IK: variants seen among roughly 807,000 people sequenced by gnomAD.
The protein encoded by IK is protein Red.
IK carries 47 observed loss-of-function variants against 90.9 expected under a neutral mutation model. That is an observed-to-expected ratio of 0.52 (90% CI 0.41 to 0.66). IK has a LOEUF of 0.66. Ranked by LOEUF, IK falls within the 30% of genes least tolerant of loss-of-function variation. IK has a pLI of 0.00. For synonymous variants in IK, 201 were observed against 227.5 expected (o/e 0.88, Z 1.05); for missense variants, 385 against 709.3 (o/e 0.54, Z 5.19).
Position 140,653,751 on chromosome 5 carries a change from C to T in IK, c.405-187C>T, listed in dbSNP as rs112284864. On this transcript the variant is annotated intron_variant, in intron 5 of 19. Coordinates refer to ENST00000417647, the MANE Select transcript of IK (RefSeq NM_006083.4). Reference sequence around the variant, plus strand: ...TCCCGAGTAGCTGGGACTACAGGCGCCCACCACCATGCCCAGCTAATTTTT... The same window carrying T: ...TCCCGAGTAGCTGGGACTACAGGCGTCCACCACCATGCCCAGCTAATTTTT... Among the ~76,000 whole-genome samples the T allele has an allele frequency of 7.3e-3, 1,112 of 152,084 alleles. 12 individuals carry two copies. Among genetic ancestry groups the T allele is most frequent in the African/African-American group, 0.024 (1,005 of 41,494 alleles).
chr5:140,649,181 T>C (rs1455555775), intron 2 of IK, among the ~76,000 whole-genome samples: 2 of 149,804 alleles, frequency 1.3e-5, no homozygotes, highest in Non-Finnish European at 3.0e-5. Flanking sequence ...CCAGTCCATT[T>C]CTTTTTTTTT....
At chr5:140,651,607 T>C in intron 2 of IK, 107 bp from the exon 3 acceptor site, 1 of 657,970 alleles carries the variant, frequency 1.5e-6, no homozygotes, top group Non-Finnish European at 2.7e-6. Flanking sequence ...TATCTTTGTT[T>C]TAATTTGTAT....
intron 2 of IK, among the ~76,000 whole-genome samples, chr5:140,650,401 A>G (rs867469278): frequency 1.3e-5 from 2 of 152,162 alleles, no homozygotes; most frequent in African/African-American, 4.8e-5. Context: ...CCTAGTCAGA[A>G]GAGAGCTTTA....
At chr5:140,657,787 G>A in intron 10 of IK, 125 bp downstream of exon 10, 1 of 634,684 alleles carries the variant, frequency 1.6e-6, no homozygotes, top group South Asian at 2.0e-5. Flanking sequence ...AAAAATGGGA[G>A]TACTGGAGCA....
intron 6 of IK, among the ~76,000 whole-genome samples, 152 bp downstream of exon 6, chr5:140,654,204 C>T (rs963442692): frequency 6.6e-6 from 1 of 152,200 alleles, no homozygotes; most frequent in South Asian, 2.1e-4. Context: ...GCTACTCATC[C>T]TTCAAGTATC....
Position 140,662,389 on chromosome 5 carries a change from A to C in IK, c.*60A>C. 2 of 1,561,338 alleles carry C rather than the reference A, an allele frequency of 1.3e-6. No individual in the cohort carries two copies. Among genetic ancestry groups the C allele is most frequent in the South Asian group, 2.2e-5 (2 of 89,600 alleles). ...ATGCTCCCCACTGTTTTCTTTCTACAATTTCCAAAGGTTGCAAGATGTTTT... is the reference window on the plus strand; with the variant it reads ...ATGCTCCCCACTGTTTTCTTTCTACCATTTCCAAAGGTTGCAAGATGTTTT... On this transcript the variant is annotated 3_prime_UTR_variant, in exon 20 of 20. Coordinates refer to ENST00000417647, the MANE Select transcript of IK (RefSeq NM_006083.4).
rs1282618235 is a variant in IK at position 140,661,003 on chromosome 5, A to G, written c.1413+188A>G. The stretch of plus-strand genomic sequence containing the variant: ...ATTTCAGAGTCTTTGCACAAGATCA[A>G]ATGACATAGGGTCAAAAATCTATTT... On this transcript the variant is annotated intron_variant, in intron 16 of 19. Coordinates refer to ENST00000417647, the MANE Select transcript of IK (RefSeq NM_006083.4). The surrounding 1 kb of genome is among the most constrained non-coding windows in gnomAD (Gnocchi z 4.2). 7.9e-6 allele frequency: 4 copies of G among 508,592 alleles called. No homozygotes were observed. In the East Asian group the frequency reaches 9.3e-5, roughly 12 times the overall value. 31.5% of individuals were successfully genotyped at this position (508,592 alleles called of 1,614,324 possible). A position where few individuals can be genotyped will look rare whatever the true frequency, so the allele number is the denominator to read the frequency against.
intron 16 of IK, 23 bp downstream of exon 16, chr5:140,660,838 G>A (rs1271081704): frequency 1.3e-6 from 2 of 1,583,180 alleles, no homozygotes; most frequent in Non-Finnish European, 1.7e-6. Context: ...AAGGATGGTG[G>A]GCGCCTTTGG....
intron 15 of IK, 176 bp downstream of exon 15, chr5:140,660,371 C>T (rs938709460): frequency 5.8e-5 from 31 of 536,430 alleles, no homozygotes; most frequent in South Asian, 4.8e-4. Context: ...AATCTCTGCT[C>T]GCTGCAATCT....
chr5:140,654,792 G>T, intron 8 of IK, 65 bp downstream of exon 8: 1 of 1,072,356 alleles, frequency 9.3e-7, no homozygotes, highest in South Asian at 1.4e-5. Flanking sequence ...TTAATGCTCT[G>T]GGAAGGATAT....
chr5:140,648,174 G>C (rs1249603646), intron 1 of IK: 3 of 705,196 alleles, frequency 4.3e-6, no homozygotes, highest in Non-Finnish European at 7.7e-6. Flanking sequence ...TGCGTGGATC[G>C]CTTTCCCCCA....
Position 140,652,990 on chromosome 5 carries a change from C to G in IK, c.250C>G (p.Leu84Val). ...RRKKKSYYAK[L>V]RQQEIERERE... The stretch of plus-strand genomic sequence containing the variant: ...CTCTGGTCACAGTTATTATGCCAAG[C>G]TACGCCAACAAGAAATTGAGAGAGA... The change falls in exon 5 of 20, where the codon CTA becomes GTA. Residue 84 changes from leucine (L) to valine (V), a missense_variant. Leu to Val is a conservative substitution (Grantham distance 32). Coordinates refer to ENST00000417647, the MANE Select transcript of IK (RefSeq NM_006083.4). 6.2e-7 allele frequency: 1 copy of G among 1,613,534 alleles called. No homozygotes were observed. Among genetic ancestry groups the G allele is most frequent in the East Asian group, 2.2e-5 (1 of 44,882 alleles).
At chr5:140,650,577 CT>C (rs1007168713) in intron 2 of IK, among the ~76,000 whole-genome samples, 1 of 151,896 alleles carries the variant, frequency 6.6e-6, no homozygotes, top group Non-Finnish European at 1.5e-5. Context: ...TGATTCTTTT[CT>C]TTTTTTTATT....
chr5:140,648,596 G>A (rs1757543266), intron 2 of IK, 59 bp downstream of exon 2: 1 of 1,479,068 alleles, frequency 6.8e-7, no homozygotes, highest in Non-Finnish European at 9.5e-7. Flanking sequence ...AAAAGTGGTG[G>A]TGATGGTGAA....
Position 140,659,763 on chromosome 5 carries a change from G to A in IK, c.1203G>A (p.Gly401=), listed in dbSNP as rs2149808240. 6.3e-7 allele frequency: 1 copy of A among 1,592,646 alleles called. No individual in the cohort carries two copies. Among genetic ancestry groups the A allele is most frequent in the Non-Finnish European group, 8.6e-7 (1 of 1,168,582 alleles). The change falls in exon 14 of 20, where the codon GGG becomes GGA. Residue 401 remains glycine, a synonymous_variant. Coordinates refer to ENST00000417647, the MANE Select transcript of IK (RefSeq NM_006083.4). ...AGTTCTCTTTTCTCCTAGGACCTGG[G>A]TCTACCAAGGAGTTGATCAAGTCCA... ...DEPMDVDKGP[G]STKELIKSIN...
rs1757507235 is a variant in IK at position 140,647,944 on chromosome 5, T to C, written c.16+20T>C. On this transcript the variant is annotated intron_variant, in intron 1 of 19. Coordinates refer to ENST00000417647, the MANE Select transcript of IK (RefSeq NM_006083.4). ...GAGATAGTAAGGCTCAGGCCATCCG[T>C]TATTTCTTCCCCATGGCACTTGGGG... is the stretch of plus-strand genomic sequence containing the variant. The C allele has an allele frequency of 6.2e-7, 1 of 1,613,592 alleles. No homozygotes were observed. Among genetic ancestry groups the C allele is most frequent in the African/African-American group, 1.3e-5 (1 of 74,888 alleles).
At chr5:140,648,038 G>A (rs866714168) in intron 1 of IK, 114 bp downstream of exon 1, 14 of 970,296 alleles carry the variant, frequency 1.4e-5, no homozygotes, top group Middle Eastern at 2.3e-4. Flanking sequence ...GTGTGTGTGT[G>A]TGTGTGTATG....
At chr5:140,654,909 C>G (rs1419521609) in intron 8 of IK, among the ~76,000 whole-genome samples, 182 bp downstream of exon 8, 1 of 152,056 alleles carries the variant, frequency 6.6e-6, no homozygotes, top group Non-Finnish European at 1.5e-5. Flanking sequence ...CTCAGTGCAG[C>G]CTTGACCTCC....
intron 10 of IK, among the ~76,000 whole-genome samples, chr5:140,658,524 T>G (rs1340784033): frequency 6.6e-6 from 1 of 152,018 alleles, no homozygotes; most frequent in Non-Finnish European, 1.5e-5. Flanking sequence ...TTCACCATGT[T>G]AGCCAGGCTG....
Sources: gnomAD v4.1 joint callset for allele counts (sites outside exome capture counted in the v4.1 genomes callset) on GRCh38, gnomAD v4.1.1 for gene constraint, Gnocchi (gnomAD v3.1) non-coding constraint, MANE v1.5 for transcripts, NCBI Gene and HGNC (gene_info 2026-07-23, HGNC 2026-07-21) for gene names.